Variants in SLIT2 observed in about 807,000 individuals in gnomAD.
The protein encoded by SLIT2 is slit homolog 2 protein.
SLIT2 carries 41 observed loss-of-function variants against 185.7 expected under a neutral mutation model. The observed-to-expected ratio is 0.22, with a 90% CI of 0.17 to 0.29. The LOEUF is 0.29. SLIT2 is among the 10% of genes least tolerant of loss of function. SLIT2 has a pLI of 1.00. For missense variants in SLIT2, 1,571 were observed against 1,909.0 expected (o/e 0.82, Z 3.30); for synonymous variants, 693 against 680.2 (o/e 1.02, Z -0.29).
intron 3 of SLIT2, 59 bp downstream of exon 3, chr4:20,257,998 A>T (rs1416088762): frequency 2.4e-6 from 2 of 842,394 alleles, no homozygotes; most frequent in Non-Finnish European, 3.9e-6. Context: ...AAAATACTTA[A>T]ATTTCAAGCA....
chr4:20,518,100 CACATATATATACATAT>C (rs1372620071), intron 11 of SLIT2, among the ~76,000 whole-genome samples: 247 of 126,600 alleles, frequency 2.0e-3, no homozygotes, highest in African/African-American at 5.9e-3. Flanking sequence ...TATATACACA[CACATATATATACATAT>C]ACATATATAT....
chr4:20,542,723 A>G, intron 21 of SLIT2, 97 bp downstream of exon 21: 1 of 1,297,352 alleles, frequency 7.7e-7, no homozygotes, highest in Non-Finnish European at 1.1e-6. Context: ...AATCTTCTTT[A>G]CAAATCATAT....
At chr4:20,441,215 T>G (rs914401721) in intron 4 of SLIT2, among the ~76,000 whole-genome samples, 1 of 152,166 alleles carries the variant, frequency 6.6e-6, no homozygotes, top group Non-Finnish European at 1.5e-5. Flanking sequence ...TTAGTTGACA[T>G]TCTCTTTTTT....
chr4:20,306,978 A>G (rs1385992109), intron 4 of SLIT2, among the ~76,000 whole-genome samples: 1 of 151,988 alleles, frequency 6.6e-6, no homozygotes, highest in East Asian at 1.9e-4. Context: ...GAGTGCAGAA[A>G]TTCATTTCTC....
intron 12 of SLIT2, among the ~76,000 whole-genome samples, chr4:20,520,817 C>T (rs1000452255): frequency 3.9e-5 from 6 of 152,158 alleles, no homozygotes; most frequent in Admixed American, 3.9e-4. Context: ...CTCAGTGCTA[C>T]ATAACCCAGT....
rs181882399 is a variant in SLIT2, at chr4:20,348,810, G to T, written c.395+79929G>T. Among the ~76,000 whole-genome samples, 409 of 152,306 alleles carry T rather than the reference G, an allele frequency of 2.7e-3. 1 individual carries two copies. The highest frequency in any genetic ancestry group is 9.0e-3 in the African/African-American group (373 of 41,572). ...ACAGTGGCCTTCTGCAGCTCTGGGAGTTCATCCTCCCAGATTCAAGTTTTA... is the reference window on the plus strand; with the variant it reads ...ACAGTGGCCTTCTGCAGCTCTGGGATTTCATCCTCCCAGATTCAAGTTTTA... On this transcript the variant is annotated intron_variant, in intron 4 of 36. Coordinates refer to ENST00000504154, the MANE Select transcript of SLIT2 (RefSeq NM_004787.4).
At chr4:20,383,728 C>A (rs1435899331) in intron 4 of SLIT2, among the ~76,000 whole-genome samples, 2 of 151,834 alleles carry the variant, frequency 1.3e-5, no homozygotes, top group African/African-American at 2.4e-5. Flanking sequence ...TAAGCTGGAG[C>A]CTCACTCTGT....
At chr4:20,494,855 A>T (rs1297255044) in intron 9 of SLIT2, among the ~76,000 whole-genome samples, 1 of 152,158 alleles carries the variant, frequency 6.6e-6, no homozygotes, top group Non-Finnish European at 1.5e-5. Flanking sequence ...TGAGGCAAAA[A>T]TTTTGGAGTA....
chr4:20,467,864 A>G (rs372242074), intron 5 of SLIT2, 41 bp downstream of exon 5: 5 of 1,013,462 alleles, frequency 4.9e-6, no homozygotes, highest in Non-Finnish European at 7.4e-6. Flanking sequence ...TTAAGTCATT[A>G]TCTATTTTCA....
intron 4 of SLIT2, among the ~76,000 whole-genome samples, chr4:20,423,881 C>T (rs1728351653): frequency 6.6e-6 from 1 of 152,184 alleles, no homozygotes; most frequent in South Asian, 2.1e-4. Flanking sequence ...CTTTGCATTA[C>T]ATGTGTTTCC....
chr4:20,525,019 T>A lies in SLIT2; in HGVS notation c.1439-130T>A, dbSNP rs963745907. 3.6e-5 allele frequency: 25 copies of A among 685,146 alleles called. No homozygotes were observed. The South Asian group carries it at 4.2e-4, about 12-fold the overall frequency. The allele number at this position is 685,146 out of a possible 1,614,324, so 42.4% of individuals were successfully genotyped here. ...CTCACTGTACATTATTGTACTTCAG[T>A]CACAGCTGTGAATATACATTTTTCA... On this transcript the variant is annotated intron_variant, in intron 14 of 36. Transcript: ENST00000504154.
chr4:20,341,892 G>A (rs1157935608), intron 4 of SLIT2, among the ~76,000 whole-genome samples: 1 of 152,118 alleles, frequency 6.6e-6, no homozygotes, highest in African/African-American at 2.4e-5. Context: ...TTCAGTTAAT[G>A]TTTGTCAAAT....
chr4:20,312,628 G>C (rs1718218404), intron 4 of SLIT2, among the ~76,000 whole-genome samples: 1 of 151,472 alleles, frequency 6.6e-6, no homozygotes, highest in African/African-American at 2.4e-5. Context: ...AAAAAAATTA[G>C]CGGGTTTGTT....
At chr4:20,335,710 G>C (rs748097681) in intron 4 of SLIT2, among the ~76,000 whole-genome samples, 7 of 152,074 alleles carry the variant, frequency 4.6e-5, no homozygotes, top group Non-Finnish European at 1.0e-4. Context: ...AACTGCTCAA[G>C]TACTCCTAGT....
intron 4 of SLIT2, among the ~76,000 whole-genome samples, chr4:20,415,410 CAAAAAAAAAAAA>C (rs371123614): frequency 3.1e-5 from 2 of 65,478 alleles, no homozygotes; most frequent in Non-Finnish European, 5.4e-5. Context: ...GACTCCGTCT[CAAAAAAAAAAAA>C]AAAAAAAAAA....
At chr4:20,537,740 C>T (rs1484948574) in intron 18 of SLIT2, among the ~76,000 whole-genome samples, 1 of 152,162 alleles carries the variant, frequency 6.6e-6, no homozygotes, top group East Asian at 1.9e-4. Context: ...TCTGAACATA[C>T]CTATTCTTGG....
At position 20,472,306 on chromosome 4, in the gene SLIT2, C is replaced by CTA. The variant is rs375571344; in HGVS notation, c.467+4490_467+4491dup. Among the ~76,000 whole-genome samples, 57 of 17,504 alleles carry CTA rather than the reference C, an allele frequency of 3.3e-3. 6 individuals are homozygous for CTA. The East Asian group carries it at 0.082, about 25-fold the overall frequency. The allele number at this position is 17,504 out of a possible 152,430, so 11.5% of individuals were successfully genotyped here. ...TATATAGATATATAGATATATAGAT[C>CTA]TATATATAGATATATATATCTATAT... On this transcript the variant is annotated intron_variant, in intron 5 of 36. Transcript: ENST00000504154.
chr4:20,546,220 C>T, intron 22 of SLIT2, 121 bp downstream of exon 22: 2 of 537,632 alleles, frequency 3.7e-6, no homozygotes, highest in Middle Eastern at 4.0e-4. Context: ...AGATGCTTCC[C>T]TCCTTGCTCA....
intron 4 of SLIT2, among the ~76,000 whole-genome samples, chr4:20,326,633 T>TA (rs1398786308): frequency 6.6e-6 from 1 of 152,006 alleles, no homozygotes; most frequent in Non-Finnish European, 1.5e-5. Flanking sequence ...TAGTAAGACT[T>TA]ACTTAATGAA....
Sources: gnomAD v4.1 joint callset for allele counts (sites outside exome capture counted in the v4.1 genomes callset) on GRCh38, gnomAD v4.1.1 for gene constraint, MANE v1.5 for transcripts, NCBI Gene and HGNC (gene_info 2026-07-23, HGNC 2026-07-21) for gene names.